Variants in ANKS3 observed in about 807,000 individuals in gnomAD.
The protein encoded by ANKS3 is ankyrin repeat and sterile alpha motif domain containing 3, also known as ankyrin repeat and SAM domain-containing protein 3.
Under a neutral mutation model 80.7 loss-of-function variants are expected in ANKS3, and 62 were observed. The ratio of observed to expected loss-of-function variants is 0.77; its 90% CI spans 0.63 to 0.95. The LOEUF (loss-of-function observed/expected upper bound fraction) is 0.95, where lower values mean the gene tolerates loss of function less well. Ranked by LOEUF, ANKS3 falls within the 40% of genes least tolerant of loss-of-function variation. The pLI is 0.00. For missense variants in ANKS3, 1,150 were observed against 883.6 expected (o/e 1.30, Z -3.82); for synonymous variants, 489 against 355.3 (o/e 1.38, Z -4.23).
rs1402310090 is a variant in ANKS3, at chr16:4,734,089, C to A, written c.-222G>T. 7 of 947,672 alleles carry A rather than the reference C, an allele frequency of 7.4e-6. No individual in the cohort carries two copies. The highest frequency in any genetic ancestry group is 1.8e-5 in the African/African-American group (1 of 56,450). The allele number at this position is 947,672 out of a possible 1,614,324, so 58.7% of individuals were successfully genotyped here. A position where few individuals can be genotyped will look rare whatever the true frequency, so the allele number is the denominator to read the frequency against. ...GCGAGCAAGTGCAGCGCGGGACGCCCGAGCGCCGGGTCTAGGCGGGCTGCA... is the reference window on the plus strand; with the variant it reads ...GCGAGCAAGTGCAGCGCGGGACGCCAGAGCGCCGGGTCTAGGCGGGCTGCA... On this transcript the variant is annotated 5_prime_UTR_variant, in exon 1 of 18. Coordinates refer to ENST00000304283, the MANE Select transcript of ANKS3 (RefSeq NM_133450.4).
chr16:4,725,292 A>G (rs1004867997), intron 5 of ANKS3, among the ~76,000 whole-genome samples: 5 of 152,228 alleles, frequency 3.3e-5, no homozygotes, highest in South Asian at 2.1e-4. Context: ...CTTGCTTTTC[A>G]TGCTTGGTTA....
intron 6 of ANKS3, among the ~76,000 whole-genome samples, chr16:4,719,366 G>C (rs77515892): frequency 0.019 from 2,900 of 152,254 alleles, 46 homozygotes; most frequent in Non-Finnish European, 0.03. Flanking sequence ...AAAATTATAA[G>C]AGTACATATC....
In ANKS3 at chr16:4,701,958, C is replaced by T. The variant is rs1271734441; in HGVS notation, c.1009+144G>A. 5.7e-6 allele frequency: 6 copies of T among 1,052,294 alleles called. No individual in the cohort carries two copies. In the Admixed American group the frequency reaches 1.1e-4, roughly 19 times the overall value. 65.2% of individuals were successfully genotyped at this position (1,052,294 alleles called of 1,614,324 possible). ...AAGCTTCTCCCATTCCTCACAAGAACCAGGGCCGTCCACACCTACCCCTTT... is the reference window on the plus strand; with the variant it reads ...AAGCTTCTCCCATTCCTCACAAGAATCAGGGCCGTCCACACCTACCCCTTT... On this transcript the variant is annotated intron_variant, in intron 9 of 17. Coordinates refer to ENST00000304283, the MANE Select transcript of ANKS3 (RefSeq NM_133450.4).
At chr16:4,710,991 G>A (rs1336568932) in intron 7 of ANKS3, among the ~76,000 whole-genome samples, 1 of 151,484 alleles carries the variant, frequency 6.6e-6, no homozygotes, top group African/African-American at 2.4e-5. Context: ...GTTTCACCAT[G>A]TTGGCCAGGC....
intron 6 of ANKS3, among the ~76,000 whole-genome samples, chr16:4,724,292 A>T (rs1257056170): frequency 6.6e-6 from 1 of 152,224 alleles, no homozygotes; most frequent in African/African-American, 2.4e-5. Context: ...GACTATACGT[A>T]GAATCCCACT....
At chr16:4,733,549 C>T (rs1012400386) in intron 1 of ANKS3, among the ~76,000 whole-genome samples, 1 of 152,076 alleles carries the variant, frequency 6.6e-6, no homozygotes, top group African/African-American at 2.4e-5. Flanking sequence ...GCCTTTGCCT[C>T]CCAAAGTGCT....
rs553374792 is a variant in ANKS3 at position 4,726,271 on chromosome 16, C to T, written c.491+388G>A. Among the ~76,000 whole-genome samples, 58 of 152,264 alleles carry T rather than the reference C, an allele frequency of 3.8e-4. 1 individual carries two copies. The highest frequency in any genetic ancestry group is 1.3e-3 in the African/African-American group (54 of 41,544). On this transcript the variant is annotated intron_variant, in intron 5 of 17. Coordinates refer to ENST00000304283, the MANE Select transcript of ANKS3 (RefSeq NM_133450.4). ...GATCACAGGCGTGAGCCACCACGCC[C>T]GGCCTCATGACTGTTTCAAAGCATC... is the stretch of plus-strand genomic sequence containing the variant.
chr16:4,711,399 G>A (rs553259000), intron 7 of ANKS3, among the ~76,000 whole-genome samples: 5 of 151,870 alleles, frequency 3.3e-5, no homozygotes, highest in African/African-American at 1.2e-4. Flanking sequence ...CACCGCGCCT[G>A]GCCCTGAAAC....
chr16:4,697,910 C>A, intron 15 of ANKS3, 67 bp downstream of exon 15: 1 of 1,391,346 alleles, frequency 7.2e-7, no homozygotes, highest in South Asian at 1.5e-5. Flanking sequence ...CCCACTGGGT[C>A]AAACCTGGCT....
chr16:4,734,161 C>G lies in ANKS3; in HGVS notation c.-294G>C. ...CGGGCCGCCGCGGAACCCACCTGTG[C>G]TGGGCCTCAGGCCTTGCGCCGCCCT... On this transcript the variant is annotated 5_prime_UTR_variant, in exon 1 of 18. Transcript: ENST00000304283. 1 of 419,460 alleles carries G rather than the reference C, an allele frequency of 2.4e-6. No individual in the cohort carries two copies. Among genetic ancestry groups the G allele is most frequent in the Non-Finnish European group, 3.2e-6 (1 of 312,618 alleles). The allele number at this position is 419,460 out of a possible 1,614,324, so 26.0% of individuals were successfully genotyped here.
chr16:4,716,360 C>CAAA (rs1162795772), intron 6 of ANKS3, among the ~76,000 whole-genome samples: 14 of 48,802 alleles, frequency 2.9e-4, no homozygotes, highest in Non-Finnish European at 3.7e-4. Context: ...GACTCCAACT[C>CAAA]AAAAAAAAAA....
intron 7 of ANKS3, among the ~76,000 whole-genome samples, chr16:4,708,828 A>G (rs1294879773): frequency 6.6e-6 from 1 of 151,796 alleles, no homozygotes; most frequent in Admixed American, 6.6e-5. Context: ...AGTCCCAGCT[A>G]CTCAAAAGGC....
intron 6 of ANKS3, among the ~76,000 whole-genome samples, chr16:4,723,203 G>A (rs1215264937): frequency 5.3e-5 from 8 of 152,130 alleles, no homozygotes; most frequent in Non-Finnish European, 1.5e-5. Flanking sequence ...CACTTACAAT[G>A]TACAATTCAA....
Position 4,705,366 on chromosome 16 carries a change from AG to A in ANKS3, c.710-114del, listed in dbSNP as rs1053871805. 36 of 1,294,120 alleles carry A rather than the reference AG, an allele frequency of 2.8e-5. No individual in the cohort carries two copies. The African/African-American group carries it at 4.8e-4, about 17-fold the overall frequency. 80.2% of individuals were successfully genotyped at this position (1,294,120 alleles called of 1,614,324 possible). A position where few individuals can be genotyped will look rare whatever the true frequency, so the allele number is the denominator to read the frequency against. On this transcript the variant is annotated intron_variant, in intron 7 of 17. Transcript: ENST00000304283. Reference sequence around the variant, plus strand: ...CGCCGGTTTTGTTAAATTAAGGAGAAGGGTATCTGCCAGGGCATCACTTCTG... The same window carrying A: ...CGCCGGTTTTGTTAAATTAAGGAGAAGGTATCTGCCAGGGCATCACTTCTG...
At position 4,726,720 on chromosome 16, in the gene ANKS3, T is replaced by C. The variant is rs778917939; in HGVS notation, c.430A>G (p.Ser144Gly). The change falls in exon 5 of 18, where the codon AGC becomes GGC. Residue 144 changes from serine (S) to glycine (G), a missense_variant. Coordinates refer to ENST00000304283, the MANE Select transcript of ANKS3 (RefSeq NM_133450.4). ...CTGACCATGTGCTGGTGCCCGGCGCTGGTACAGTGGAAGAGGGCTGTCCAG... is the reference window on the plus strand; with the variant it reads ...CTGACCATGTGCTGGTGCCCGGCGCCGGTACAGTGGAAGAGGGCTGTCCAG... ...QGWTALFHCT[S>G]AGHQHMVRFL... 1.2e-6 allele frequency: 2 copies of C among 1,614,230 alleles called. No individual in the cohort carries two copies. The highest frequency in any genetic ancestry group is 1.7e-6 in the Non-Finnish European group (2 of 1,180,022).
intron 6 of ANKS3, among the ~76,000 whole-genome samples, chr16:4,721,721 C>T (rs1486218537): frequency 1.3e-5 from 2 of 151,240 alleles, no homozygotes; most frequent in Admixed American, 1.3e-4. Flanking sequence ...TCATCGCAAC[C>T]TCTGCCTCCC....
intron 6 of ANKS3, among the ~76,000 whole-genome samples, chr16:4,722,637 G>A (rs900623959): frequency 1.6e-4 from 24 of 151,494 alleles, no homozygotes; most frequent in African/African-American, 5.8e-4. Context: ...TGTTCAACTG[G>A]CTGGGCGCAG....
Position 4,701,551 on chromosome 16 carries a change from C to T in ANKS3, c.1010-8G>A, listed in dbSNP as rs559147019. 8.1e-6 allele frequency: 13 copies of T among 1,604,276 alleles called. No homozygotes were observed. Among genetic ancestry groups the T allele is most frequent in the East Asian group, 4.5e-5 (2 of 44,594 alleles). On this transcript the variant is annotated splice_polypyrimidine_tract_variant and splice_region_variant and intron_variant, in intron 9 of 17. Transcript: ENST00000304283. Reference sequence around the variant, plus strand: ...CACAGAAAGCATGTTCCTCTGAGGGCGGGAAGACAGGGCGTCCGCCTGCAG... The same window carrying T: ...CACAGAAAGCATGTTCCTCTGAGGGTGGGAAGACAGGGCGTCCGCCTGCAG...
At chr16:4,698,749 G>A (rs1054556432) in intron 13 of ANKS3, 51 bp downstream of exon 13, 10 of 1,557,614 alleles carry the variant, frequency 6.4e-6, no homozygotes, top group Non-Finnish European at 8.6e-6. Context: ...CAGAGATGGA[G>A]CCAACTCACG....
Sources: gnomAD v4.1 joint callset for allele counts (sites outside exome capture counted in the v4.1 genomes callset) on GRCh38, gnomAD v4.1.1 for gene constraint, MANE v1.5 for transcripts, NCBI Gene and HGNC (gene_info 2026-07-23, HGNC 2026-07-21) for gene names.